TAF13: variants seen among roughly 807,000 people sequenced by gnomAD.
TAF13 encodes the protein TATA-box binding protein associated factor 13, also known as transcription initiation factor TFIID subunit 13.
A neutral mutation model predicts 18.7 loss-of-function variants in TAF13; 9 were observed. That is an observed-to-expected ratio of 0.48 (90% confidence interval 0.29 to 0.84). The LOEUF is 0.84. Ranked by LOEUF, TAF13 falls within the 40% of genes least tolerant of loss-of-function variation. The pLI, the probability that TAF13 is intolerant of heterozygous loss-of-function variation, is 0.08. For missense variants in TAF13, 105 were observed against 146.5 expected, an observed-to-expected ratio of 0.72 and a Z score of 1.46; for synonymous variants, 49 against 44.1, an observed-to-expected ratio of 1.11 and a Z score of -0.44.
At chr1:109,066,922 T>C (rs1472567810) in intron 2 of TAF13, among the ~76,000 whole-genome samples, 2 of 151,978 alleles carry the variant, frequency 1.3e-5, no homozygotes, top group Non-Finnish European at 2.9e-5. Flanking sequence ...GGTTTCACTG[T>C]GTTAGCCAGG....
intron 2 of TAF13, among the ~76,000 whole-genome samples, chr1:109,069,202 A>T (rs1294565779): frequency 6.7e-6 from 1 of 150,214 alleles, no homozygotes; most frequent in Non-Finnish European, 1.5e-5. Flanking sequence ...CAAGTGTGTG[A>T]GTGTGTGTGT....
chr1:109,074,118 G>A (rs1664136213), intron 2 of TAF13, among the ~76,000 whole-genome samples: 1 of 152,204 alleles, frequency 6.6e-6, no homozygotes, highest in South Asian at 2.1e-4. Flanking sequence ...TGACGATGGC[G>A]GTTTTGTCGA....
At chr1:109,065,869 C>T (rs1014045812) in intron 3 of TAF13, among the ~76,000 whole-genome samples, 1 of 144,836 alleles carries the variant, frequency 6.9e-6, no homozygotes, top group South Asian at 2.2e-4. Context: ...TGCAGTGAGC[C>T]AAGATCGTGC....
At chr1:109,071,617 AAAAT>A (rs1009041752) in intron 2 of TAF13, among the ~76,000 whole-genome samples, 2 of 151,676 alleles carry the variant, frequency 1.3e-5, no homozygotes, top group African/African-American at 2.4e-5. Flanking sequence ...TGTCTCTAAG[AAAAT>A]AAATAAAAAT....
At chr1:109,071,920 C>A (rs1664060163) in intron 2 of TAF13, among the ~76,000 whole-genome samples, 1 of 147,634 alleles carries the variant, frequency 6.8e-6, no homozygotes, top group Admixed American at 6.8e-5. Flanking sequence ...CCATTACACT[C>A]CAGACTGACA....
chr1:109,069,008 T>TA (rs923827920), intron 2 of TAF13, among the ~76,000 whole-genome samples: 4 of 151,844 alleles, frequency 2.6e-5, no homozygotes, highest in Non-Finnish European at 4.4e-5. Context: ...CCTCAAAAAA[T>TA]AAAAAAAGAA....
chr1:109,073,041 C>T (rs1207100895), intron 2 of TAF13, among the ~76,000 whole-genome samples: 1 of 151,714 alleles, frequency 6.6e-6, no homozygotes, highest in East Asian at 2.0e-4. Context: ...CTGTTCACCA[C>T]CTTCTTACTT....
At chr1:109,068,992 A>G (rs1663999940) in intron 2 of TAF13, among the ~76,000 whole-genome samples, 1 of 152,058 alleles carries the variant, frequency 6.6e-6, no homozygotes, top group Non-Finnish European at 1.5e-5. Context: ...AAAGAGGGAG[A>G]CTCTGCCTCA....
At chr1:109,065,710 G>A (rs1663941022) in intron 3 of TAF13, among the ~76,000 whole-genome samples, 1 of 152,090 alleles carries the variant, frequency 6.6e-6, no homozygotes, top group African/African-American at 2.4e-5. Context: ...ATCACCTGAG[G>A]TTGGGAGTTT....
At chr1:109,071,964 A>C in intron 2 of TAF13, among the ~76,000 whole-genome samples, 1 of 1,450 alleles carries the variant, frequency 6.9e-4, no homozygotes, top group Admixed American at 9.8e-3. Context: ...GAAAATATAT[A>C]TATATATATA....
intron 2 of TAF13, among the ~76,000 whole-genome samples, chr1:109,071,706 G>A (rs1295805217): frequency 6.6e-6 from 1 of 151,684 alleles, no homozygotes; most frequent in African/African-American, 2.4e-5. Context: ...TGTAATCCCA[G>A]CACTTTGGGA....
At chr1:109,075,154 G>A (rs1327913366) in intron 1 of TAF13, 89 bp from the exon 2 acceptor site, 7 of 1,116,962 alleles carry the variant, frequency 6.3e-6, no homozygotes, top group African/African-American at 3.2e-5. Context: ...CTTTTCAACA[G>A]ATAGGCCAGA....
chr1:109,064,499 A>G lies in TAF13; in HGVS notation c.*24T>C. 7.1e-7 allele frequency: 1 copy of G among 1,406,752 alleles called. No homozygotes were observed. Among genetic ancestry groups the G allele is most frequent in the Admixed American group, 2.7e-5 (1 of 36,628 alleles). The allele number at this position is 1,406,752 out of a possible 1,614,324, so 87.1% of individuals were successfully genotyped here. ...ATTATATATGGTTTCCCCAGATGGTAATTTTCGGAAACTACAAAAAGTGTC... is the reference window on the plus strand; with the variant it reads ...ATTATATATGGTTTCCCCAGATGGTGATTTTCGGAAACTACAAAAAGTGTC... On this transcript the variant is annotated 3_prime_UTR_variant, in exon 4 of 4. Transcript: ENST00000338366.
At chr1:109,073,339 A>G (rs575492901) in intron 2 of TAF13, among the ~76,000 whole-genome samples, 1 of 151,974 alleles carries the variant, frequency 6.6e-6, no homozygotes, top group Admixed American at 6.5e-5. Flanking sequence ...GGAGATCGAG[A>G]TCATCCTGGC....
chr1:109,066,621 G>T (rs1262479569), intron 2 of TAF13, among the ~76,000 whole-genome samples: 1 of 152,194 alleles, frequency 6.6e-6, no homozygotes, highest in South Asian at 2.1e-4. Context: ...TGTGGGCATG[G>T]CAGTGGGGCG....
chr1:109,066,064 A>T, intron 3 of TAF13, 71 bp downstream of exon 3: 1 of 1,284,588 alleles, frequency 7.8e-7, no homozygotes, highest in Non-Finnish European at 1.1e-6. Flanking sequence ...CATAAGTTCT[A>T]GTCTTACCTA....
At chr1:109,073,601 G>A (rs966715998) in intron 2 of TAF13, among the ~76,000 whole-genome samples, 2 of 152,134 alleles carry the variant, frequency 1.3e-5, no homozygotes, top group Non-Finnish European at 2.9e-5. Flanking sequence ...TCCTGACCTC[G>A]AGTGATCTGC....
At chr1:109,073,809 T>C (rs996278878) in intron 2 of TAF13, among the ~76,000 whole-genome samples, 6 of 151,500 alleles carry the variant, frequency 4.0e-5, no homozygotes, top group Non-Finnish European at 8.8e-5. Context: ...TTGAGGAGCG[T>C]CTCTGCCTGG....
At position 109,072,003 on chromosome 1, in the gene TAF13, TATATATATATACACACAC is replaced by T. The variant is rs1664072223; in HGVS notation, c.106+2966_106+2983del. On this transcript the variant is annotated intron_variant, in intron 2 of 3. Coordinates refer to ENST00000338366, the MANE Select transcript of TAF13 (RefSeq NM_005645.4). ...ACACATATATATATATATATATATA[TATATATATATACACACAC>T]ATATATATATATATATATATATACA... 9.0e-3 allele frequency among the ~76,000 whole-genome samples: 20 copies of T among 2,230 alleles called. 2 individuals are homozygous for T. The highest frequency in any genetic ancestry group is 0.077 in the East Asian group (4 of 52). 1.5% of individuals were successfully genotyped at this position (2,230 alleles called of 152,430 possible).
Sources: allele counts gnomAD v4.1 joint callset (sites outside exome capture counted in the v4.1 genomes callset), GRCh38; gene constraint gnomAD v4.1.1; transcripts MANE v1.5; gene names NCBI Gene and HGNC (gene_info 2026-07-23, HGNC 2026-07-21).